Variants in GRIP1 observed in about 807,000 individuals in gnomAD.
GRIP1 encodes the protein glutamate receptor-interacting protein 1.
In GRIP1, 45 loss-of-function variants were observed where a neutral mutation model predicts 129.9. The observed-to-expected ratio is 0.35, with a 90% CI of 0.27 to 0.44. The LOEUF is 0.44. Ranked by LOEUF, GRIP1 falls within the 20% of genes least tolerant of loss-of-function variation. The probability of loss-of-function intolerance (pLI) is 1.00; values close to 1 mark genes in which losing one functional copy is unlikely to be tolerated. For missense variants in GRIP1, 1,196 were observed against 1,396.8 expected, an observed-to-expected ratio of 0.86 and a Z score of 2.29; for synonymous variants, 530 against 520.8, an observed-to-expected ratio of 1.02 and a Z score of -0.24.
intron 1 of GRIP1, among the ~76,000 whole-genome samples, chr12:66,916,391 C>T (rs187752541): frequency 9.5e-4 from 145 of 152,246 alleles, no homozygotes; most frequent in Admixed American, 1.7e-3. Context: ...CGCCCACACA[C>T]AGTTTATGCC....
At chr12:66,816,008 C>G (rs933345033) in intron 1 of GRIP1, among the ~76,000 whole-genome samples, 2 of 151,998 alleles carry the variant, frequency 1.3e-5, no homozygotes, top group Admixed American at 6.6e-5. Flanking sequence ...TCCTTATATT[C>G]ATGAGTGTGA....
rs762276528 is a variant in GRIP1 at position 66,596,904 on chromosome 12, C to T, written c.79G>A (p.Ala27Thr). 9.3e-6 allele frequency: 15 copies of T among 1,612,884 alleles called. No homozygotes were observed. The highest frequency in any genetic ancestry group is 6.7e-5 in the East Asian group (3 of 44,884). The stretch of plus-strand genomic sequence containing the variant: ...CCATCAGGCGGCTTTGTCTGGCTGG[C>T]GGATTTAGTGTAGGGACTCTCATCT... ...TKDESPYTKS[A>T]SQTKPPDGAL... Residue 27 changes from alanine (A) to threonine (T), a missense_variant, in exon 2 of 25, where the codon GCC becomes ACC. Ala to Thr is a moderately conservative substitution (Grantham distance 58, BLOSUM62 0). Around this residue, in one of 5 missense-constraint regions of GRIP1, gnomAD observed 217 missense variants for 224.8 expected, o/e 0.97. Coordinates refer to ENST00000359742, the MANE Select transcript of GRIP1 (RefSeq NM_001366722.1).
chr12:67,006,558 G>T (rs770090640), intron 1 of GRIP1, among the ~76,000 whole-genome samples: 5 of 152,092 alleles, frequency 3.3e-5, no homozygotes, highest in Non-Finnish European at 5.9e-5. Context: ...CTGCACTCCA[G>T]CCTAGGCAAC....
At chr12:66,736,328 C>T (rs900109809) in intron 1 of GRIP1, among the ~76,000 whole-genome samples, 26 of 129,660 alleles carry the variant, frequency 2.0e-4, no homozygotes, top group Admixed American at 1.1e-3. Flanking sequence ...TACAGGTGTG[C>T]ACCACCGTGC....
At chr12:66,561,642 T>C (rs1323747458) in intron 2 of GRIP1, among the ~76,000 whole-genome samples, 1 of 152,198 alleles carries the variant, frequency 6.6e-6, no homozygotes, top group Non-Finnish European at 1.5e-5. Flanking sequence ...AAACCAGCCC[T>C]ATTGCCTCGC....
At chr12:66,750,566 C>T (rs2037093728) in intron 1 of GRIP1, among the ~76,000 whole-genome samples, 1 of 152,204 alleles carries the variant, frequency 6.6e-6, no homozygotes, top group African/African-American at 2.4e-5. Flanking sequence ...TAACCTCACA[C>T]ACTGGGTGAA....
chr12:66,461,054 T>C (rs1027395416), intron 9 of GRIP1, among the ~76,000 whole-genome samples: 1 of 152,144 alleles, frequency 6.6e-6, no homozygotes, highest in Non-Finnish European at 1.5e-5. Context: ...CAGTTTCCTA[T>C]CCCTGCAACA....
chr12:66,416,110 G>GT (rs2057592988), intron 15 of GRIP1, among the ~76,000 whole-genome samples: 2 of 151,930 alleles, frequency 1.3e-5, no homozygotes, highest in Non-Finnish European at 2.9e-5. Context: ...GACGAATTTT[G>GT]TAAACTATGC....
At chr12:66,456,425 G>T in intron 9 of GRIP1, 83 bp from the exon 10 acceptor site, 1 of 643,320 alleles carries the variant, frequency 1.6e-6, no homozygotes, top group Non-Finnish European at 2.3e-6. Flanking sequence ...TAACTGAATT[G>T]CCCAAATTAA....
Position 66,749,348 on chromosome 12 carries a change from A to T in GRIP1, c.-420+54705T>A, listed in dbSNP as rs111808802. On this transcript the variant is annotated intron_variant, in intron 1 of 4. Coordinates refer to the GRIP1 transcript ENST00000538373. ...TTACTCAGTGTAATTTGGGAAAGAG[A>T]CCAACTCAATTCTCAATGGCCCCTA... 3.1e-3 allele frequency among the ~76,000 whole-genome samples: 477 copies of T among 152,238 alleles called. 1 individual carries two copies. The highest frequency in any genetic ancestry group is 0.011 in the African/African-American group (456 of 41,558).
At position 66,436,159 on chromosome 12, in the gene GRIP1, C is replaced by T. The variant is rs115923729; in HGVS notation, c.1688-3531G>A. The stretch of plus-strand genomic sequence containing the variant: ...TTTGTTAATGCTATAATTAAAAACA[C>T]ATTTGGGTAAACAAAGGTCTCCTTC... On this transcript the variant is annotated intron_variant, in intron 13 of 24. Coordinates refer to ENST00000359742, the MANE Select transcript of GRIP1 (RefSeq NM_001366722.1). 2.5e-3 allele frequency among the ~76,000 whole-genome samples: 384 copies of T among 152,320 alleles called. 1 individual carries two copies. The highest frequency in any genetic ancestry group is 8.6e-3 in the African/African-American group (356 of 41,564).
chr12:66,964,776 T>C (rs1489880613), intron 1 of GRIP1, among the ~76,000 whole-genome samples: 1 of 152,116 alleles, frequency 6.6e-6, no homozygotes, highest in Non-Finnish European at 1.5e-5. Flanking sequence ...ACCACAGAAA[T>C]TTATTTTCTC....
chr12:66,986,974 T>C (rs536423926), intron 1 of GRIP1, among the ~76,000 whole-genome samples: 1 of 152,200 alleles, frequency 6.6e-6, no homozygotes, highest in South Asian at 2.1e-4. Flanking sequence ...AGACAGTATA[T>C]AAGAACTTTA....
intron 1 of GRIP1, among the ~76,000 whole-genome samples, chr12:66,736,346 ATTTTTTTTTTTTTTTTTTTTTTTTTTTTT>A (rs547706592): frequency 0.01 from 679 of 67,020 alleles, 15 homozygotes; most frequent in African/African-American, 0.036. Flanking sequence ...TGCCTGGCTA[ATTTTTTTTTTTTTTTTTTTTTTTTTTTTT>A]TTTTTTTTTT....
At chr12:66,366,466 T>C (rs549129975) in intron 23 of GRIP1, among the ~76,000 whole-genome samples, 2 of 152,308 alleles carry the variant, frequency 1.3e-5, no homozygotes, top group African/African-American at 4.8e-5. Context: ...AAGGCGATGG[T>C]AGCAAAAGCA....
At chr12:66,507,611 T>A (rs1450929178) in intron 7 of GRIP1, among the ~76,000 whole-genome samples, 3 of 152,196 alleles carry the variant, frequency 2.0e-5, no homozygotes, top group Non-Finnish European at 4.4e-5. Flanking sequence ...AGGGAGTTAA[T>A]AATCTCTTCT....
At chr12:66,377,360 C>T in intron 20 of GRIP1, 75 bp from the exon 21 acceptor site, 2 of 962,998 alleles carry the variant, frequency 2.1e-6, no homozygotes. Flanking sequence ...CGGAGTCTCT[C>T]TCTGTCGCCC....
intron 1 of GRIP1, among the ~76,000 whole-genome samples, chr12:66,697,348 C>T (rs2136336647): frequency 1.3e-5 from 2 of 152,266 alleles, no homozygotes; most frequent in East Asian, 3.9e-4. Context: ...TTAATATGTG[C>T]AAAGCTTCCA....
At position 66,712,215 on chromosome 12, in the gene GRIP1, ATAT is replaced by A. The variant is rs374162411; in HGVS notation, c.-419-81882_-419-81880del. On this transcript the variant is annotated intron_variant, in intron 1 of 4. Transcript: ENST00000538373. ...AAGCTTGGTATTTACCAACTGGAAAATATTTTATATTAGTAAATCATTATACAA... is the reference window on the plus strand; with the variant it reads ...AAGCTTGGTATTTACCAACTGGAAAATTTATATTAGTAAATCATTATACAA... Among the ~76,000 whole-genome samples, 10 of 152,056 alleles carry A rather than the reference ATAT, an allele frequency of 6.6e-5. No homozygotes were observed. In the East Asian group the frequency reaches 1.5e-3, roughly 24 times the overall value.
Sources: allele counts gnomAD v4.1 joint callset (sites outside exome capture counted in the v4.1 genomes callset), GRCh38; gene constraint gnomAD v4.1.1; regional missense constraint gnomAD v4.1.1; transcripts MANE v1.5; gene names NCBI Gene and HGNC (gene_info 2026-07-23, HGNC 2026-07-21).